Variants in SLC12A7 observed in about 807,000 individuals in gnomAD.
SLC12A7 encodes K-Cl cotransporter 4.
A neutral mutation model predicts 120.6 loss-of-function variants in SLC12A7; 100 were observed. That is an observed-to-expected ratio of 0.83 (90% CI 0.71 to 0.98). The LOEUF is 0.98. Among genes scored for constraint, SLC12A7 ranks in the 50% least tolerant of loss-of-function variants. SLC12A7 has a pLI of 0.00. For synonymous variants in SLC12A7, 760 were observed against 678.0 expected (o/e 1.12, Z -1.88); for missense variants, 1,373 against 1,548.1 (o/e 0.89, Z 1.90).
chr5:1,131,426 C>A, the SLC12A7 span, among the ~76,000 whole-genome samples: 1 of 152,210 alleles, frequency 6.6e-6, no homozygotes, highest in East Asian at 1.9e-4. Context: ...TCCAGAAACT[C>A]AGGATTCTAC....
chr5:1,104,271 C>T (rs191043873), intron 1 of SLC12A7, among the ~76,000 whole-genome samples: 69 of 152,348 alleles, frequency 4.5e-4, no homozygotes, highest in Admixed American at 1.8e-3. Context: ...CCGCCACCCT[C>T]GTGACAGGCT....
At chr5:1,076,075 G>C in intron 14 of SLC12A7, 63 bp downstream of exon 14, 1 of 1,390,514 alleles carries the variant, frequency 7.2e-7, no homozygotes, top group South Asian at 1.3e-5. Flanking sequence ...GGCCTCACCA[G>C]TGGCAGAGGC....
the SLC12A7 span, among the ~76,000 whole-genome samples, chr5:1,136,208 C>T: frequency 1.3e-5 from 2 of 152,162 alleles, no homozygotes; most frequent in East Asian, 1.9e-4. Context: ...AGGAACCATC[C>T]GTGCAATAGA....
At chr5:1,080,845 A>C (rs1045523355) in intron 9 of SLC12A7, among the ~76,000 whole-genome samples, 1 of 152,176 alleles carries the variant, frequency 6.6e-6, no homozygotes, top group Non-Finnish European at 1.5e-5. Flanking sequence ...CAACCCTACA[A>C]CAGCTTCTCC....
At chr5:1,113,890 G>A (rs1016908868), upstream of SLC12A7, among the ~76,000 whole-genome samples, 1 of 152,192 alleles carries the variant, frequency 6.6e-6, no homozygotes, top group African/African-American at 2.4e-5. Context: ...TATTCCCGAG[G>A]GTTGGACAGA....
chr5:1,132,700 T>C, the SLC12A7 span, among the ~76,000 whole-genome samples: 1 of 152,142 alleles, frequency 6.6e-6, no homozygotes, highest in Non-Finnish European at 1.5e-5. Context: ...GAACATCTCC[T>C]TGGCGTGCTC....
chr5:1,112,386 G>C (rs1579452919), upstream of SLC12A7, among the ~76,000 whole-genome samples: 1 of 61,482 alleles, frequency 1.6e-5, no homozygotes, highest in Non-Finnish European at 3.0e-5. Flanking sequence ...CCCCTTCCCC[G>C]ACCCCCCACT....
At chr5:1,150,818 T>C in the SLC12A7 span, among the ~76,000 whole-genome samples, 3 of 152,146 alleles carry the variant, frequency 2.0e-5, no homozygotes, top group Non-Finnish European at 2.9e-5. Flanking sequence ...GGCTGGCAGG[T>C]TTTCAGACAC....
intron 17 of SLC12A7, among the ~76,000 whole-genome samples, chr5:1,068,655 T>C (rs1392143261): frequency 1.3e-5 from 2 of 152,154 alleles, no homozygotes; most frequent in African/African-American, 4.8e-5. Flanking sequence ...GGGGGCAGGG[T>C]GCGCTCGTCC....
chr5:1,147,651 C>G, the SLC12A7 span, among the ~76,000 whole-genome samples: 2 of 152,196 alleles, frequency 1.3e-5, no homozygotes, highest in Non-Finnish European at 2.9e-5. Context: ...CTCTCTGCTC[C>G]CCTTCAAGAT....
intron 12 of SLC12A7, 69 bp downstream of exon 12, chr5:1,077,760 GAGGA>G: frequency 7.0e-7 from 1 of 1,428,842 alleles, no homozygotes; most frequent in East Asian, 2.5e-5. Context: ...ACGGCACTGT[GAGGA>G]TCCCGCAGGG....
At chr5:1,107,614 G>A (rs1019203736) in intron 1 of SLC12A7, among the ~76,000 whole-genome samples, 1 of 152,212 alleles carries the variant, frequency 6.6e-6, no homozygotes. Flanking sequence ...CTGCACCCAG[G>A]CCTGAGCACC....
the SLC12A7 span, among the ~76,000 whole-genome samples, chr5:1,131,188 C>T: frequency 4.6e-5 from 7 of 152,132 alleles, no homozygotes; most frequent in African/African-American, 7.2e-5. Flanking sequence ...CACGGGGACA[C>T]GTGGGGACAC....
At chr5:1,092,809 A>T (rs1303185457) in intron 3 of SLC12A7, among the ~76,000 whole-genome samples, 1 of 151,944 alleles carries the variant, frequency 6.6e-6, no homozygotes, top group African/African-American at 2.4e-5. Context: ...GGGAGTTGAG[A>T]AGAAACTGAG....
intron 3 of SLC12A7, among the ~76,000 whole-genome samples, chr5:1,090,039 T>C (rs950561230): frequency 2.6e-5 from 4 of 152,224 alleles, no homozygotes; most frequent in Admixed American, 6.5e-5. Flanking sequence ...TTGAAGACAC[T>C]TCCTGTGAAC....
the SLC12A7 span, among the ~76,000 whole-genome samples, chr5:1,129,099 T>TCC: frequency 1.3e-5 from 2 of 152,042 alleles, no homozygotes; most frequent in Non-Finnish European, 2.9e-5. Context: ...CCTCTAGAAG[T>TCC]CCCTCTCCTC....
chr5:1,084,905 C>A (rs1739646094), intron 7 of SLC12A7, among the ~76,000 whole-genome samples: 1 of 152,152 alleles, frequency 6.6e-6, no homozygotes, highest in African/African-American at 2.4e-5. Flanking sequence ...CAGCAGCAGC[C>A]AGGGCCACAC....
chr5:1,118,350 T>C, the SLC12A7 span, among the ~76,000 whole-genome samples: 1 of 152,214 alleles, frequency 6.6e-6, no homozygotes, highest in Non-Finnish European at 1.5e-5. Flanking sequence ...GGGGAGTCCA[T>C]GGGCCTCAGC....
chr5:1,124,367 G>A, the SLC12A7 span, among the ~76,000 whole-genome samples: 4 of 152,212 alleles, frequency 2.6e-5, no homozygotes, highest in Non-Finnish European at 5.9e-5. Flanking sequence ...GTAGCTGCGT[G>A]CAGTGGTCAA....
Sources: gnomAD v4.1 joint callset for allele counts (sites outside exome capture counted in the v4.1 genomes callset) on GRCh38, gnomAD v4.1.1 for gene constraint, MANE v1.5 for transcripts, NCBI Gene and HGNC (gene_info 2026-07-23, HGNC 2026-07-21) for gene names.